QTMAN: variants seen among roughly 807,000 people sequenced by gnomAD.
QTMAN encodes queuosine-tRNA mannosyltransferase.
chr2:144,270,819 A>T, the QTMAN span, among the ~76,000 whole-genome samples: 3 of 152,274 alleles, frequency 2.0e-5, no homozygotes, highest in East Asian at 5.8e-4. Context: ...ACTTAAAGTA[A>T]AACAAAAAAA....
chr2:144,124,630 C>T, the QTMAN span, among the ~76,000 whole-genome samples: 1 of 151,976 alleles, frequency 6.6e-6, no homozygotes, highest in African/African-American at 2.4e-5. Context: ...AGCCAGGGCC[C>T]TATTATTCTA....
chr2:144,099,508 A>G, the QTMAN span, among the ~76,000 whole-genome samples: 2 of 152,246 alleles, frequency 1.3e-5, no homozygotes, highest in African/African-American at 4.8e-5. Context: ...CAAGTATTCA[A>G]GCAAGGAAAT....
chr2:144,109,186 C>A, the QTMAN span, among the ~76,000 whole-genome samples: 1 of 152,088 alleles, frequency 6.6e-6, no homozygotes. Context: ...GGTACTGGTA[C>A]CAAAACAGAG....
chr2:144,106,202 A>G, the QTMAN span, among the ~76,000 whole-genome samples: 4 of 152,246 alleles, frequency 2.6e-5, no homozygotes, highest in East Asian at 3.9e-4. Flanking sequence ...ATCAACTAAC[A>G]AGCAAAATCA....
chr2:144,167,637 C>T, the QTMAN span, among the ~76,000 whole-genome samples: 1 of 152,028 alleles, frequency 6.6e-6, no homozygotes, highest in Non-Finnish European at 1.5e-5. Flanking sequence ...CTCCTTCCTG[C>T]CGCCCTGTGA....
the QTMAN span, among the ~76,000 whole-genome samples, chr2:144,134,611 T>G: frequency 6.6e-6 from 1 of 152,056 alleles, no homozygotes; most frequent in African/African-American, 2.4e-5. Context: ...TGGTGGGAAA[T>G]AGGAACAGAC....
At chr2:144,020,872 C>T in the QTMAN span, among the ~76,000 whole-genome samples, 3 of 148,760 alleles carry the variant, frequency 2.0e-5, no homozygotes, top group Non-Finnish European at 3.0e-5. Flanking sequence ...CATCCAAGAA[C>T]AATAAAGAGT....
chr2:144,256,849 G>A, the QTMAN span, among the ~76,000 whole-genome samples: 1 of 151,762 alleles, frequency 6.6e-6, no homozygotes, highest in African/African-American at 2.4e-5. Context: ...CACACATTCA[G>A]CACATGTATC....
the QTMAN span, among the ~76,000 whole-genome samples, chr2:144,138,923 T>C: frequency 1.7e-3 from 266 of 152,224 alleles, 3 homozygotes; most frequent in African/African-American, 6.0e-3. Context: ...TCTCCAGTTA[T>C]GTTTAGTCCA....
the QTMAN span, among the ~76,000 whole-genome samples, chr2:144,318,979 A>G: frequency 6.6e-6 from 1 of 152,318 alleles, no homozygotes; most frequent in African/African-American, 2.4e-5. Flanking sequence ...TAAAACATCA[A>G]TTTGGTTCAG....
chr2:144,101,394 T>A, the QTMAN span, among the ~76,000 whole-genome samples: 33 of 150,122 alleles, frequency 2.2e-4, no homozygotes, highest in South Asian at 6.3e-4. Flanking sequence ...TATCTCTCTC[T>A]CACACACACA....
the QTMAN span, chr2:144,011,908 C>T: frequency 5.8e-6 from 1 of 173,500 alleles, no homozygotes; most frequent in Non-Finnish European, 1.1e-5. Context: ...TCAGGTTTCC[C>T]ATTTAATAAT....
chr2:144,090,644 C>T, the QTMAN span, among the ~76,000 whole-genome samples: 1 of 151,908 alleles, frequency 6.6e-6, no homozygotes, highest in African/African-American at 2.4e-5. Flanking sequence ...TTGAAGTATA[C>T]ATCAAACAAA....
At chr2:144,249,641 TAAACA>T in the QTMAN span, among the ~76,000 whole-genome samples, 2 of 152,174 alleles carry the variant, frequency 1.3e-5, no homozygotes, top group Admixed American at 6.5e-5. Flanking sequence ...ACATTAAAAA[TAAACA>T]AGGAGGGAGG....
the QTMAN span, among the ~76,000 whole-genome samples, chr2:144,086,822 C>T: frequency 6.6e-6 from 1 of 152,148 alleles, no homozygotes. Context: ...AGAAAGAATG[C>T]TTCTTGGTTC....
chr2:144,158,831 T>C, the QTMAN span, among the ~76,000 whole-genome samples: 2 of 152,174 alleles, frequency 1.3e-5, no homozygotes, highest in East Asian at 3.9e-4. Flanking sequence ...GATGATACAT[T>C]TCAGCCTTAA....
At chr2:144,221,507 G>A in the QTMAN span, among the ~76,000 whole-genome samples, 1 of 152,132 alleles carries the variant, frequency 6.6e-6, no homozygotes, top group East Asian at 1.9e-4. Context: ...AAGAGTACAT[G>A]CACACACGCA....
chr2:143,969,777 C>T, the QTMAN span, among the ~76,000 whole-genome samples: 1 of 152,040 alleles, frequency 6.6e-6, no homozygotes, highest in African/African-American at 2.4e-5. Context: ...GGTCAGTATC[C>T]ACAGCTGCAG....
At chr2:144,157,521 G>A in the QTMAN span, among the ~76,000 whole-genome samples, 5 of 151,986 alleles carry the variant, frequency 3.3e-5, no homozygotes, top group South Asian at 2.1e-4. Flanking sequence ...TGCCATAAGC[G>A]AAGTGAGAAG....
Sources: gnomAD v4.1 joint callset for allele counts (sites outside exome capture counted in the v4.1 genomes callset) on GRCh38, gnomAD v4.1.1 for gene constraint, MANE v1.5 for transcripts, NCBI Gene and HGNC (gene_info 2026-07-23, HGNC 2026-07-21) for gene names.